Variants in GNB5 observed in about 807,000 individuals in gnomAD.
The protein encoded by GNB5 is G protein subunit beta 5, also known as guanine nucleotide-binding protein subunit beta-5.
A neutral mutation model predicts 55.3 loss-of-function variants in GNB5; 37 were observed. That is an observed-to-expected ratio of 0.67 (90% confidence interval 0.51 to 0.88). The LOEUF is 0.88. Ranked by LOEUF, GNB5 falls within the 40% of genes least tolerant of loss-of-function variation. GNB5 has a pLI of 0.00. For synonymous variants in GNB5, 219 were observed against 198.5 expected, an observed-to-expected ratio of 1.10 and a Z score of -0.87; for missense variants, 476 against 515.3, an observed-to-expected ratio of 0.92 and a Z score of 0.74.
intron 3 of GNB5, among the ~76,000 whole-genome samples, chr15:52,165,337 G>A (rs1419971990): frequency 5.3e-5 from 8 of 152,096 alleles, no homozygotes; most frequent in African/African-American, 7.2e-5. Flanking sequence ...ACAGGGCAAC[G>A]TTCAAATTCA....
rs28803283 is a variant in GNB5 at position 52,163,805 on chromosome 15, A to G, written c.239-9729T>C. Among the ~76,000 whole-genome samples, 1,149 of 152,226 alleles carry G rather than the reference A, an allele frequency of 7.5e-3. 13 individuals are homozygous for G. The highest frequency in any genetic ancestry group is 0.027 in the African/African-American group (1,119 of 41,560). On this transcript the variant is annotated intron_variant, in intron 3 of 12. Coordinates refer to ENST00000261837, the MANE Select transcript of GNB5 (RefSeq NM_016194.4). Reference sequence around the variant, plus strand: ...GAGACCTCCCAACAGGGGTCTACAAATGCCTCCTCCAGGAGCGTTCCAGCT... The same window carrying G: ...GAGACCTCCCAACAGGGGTCTACAAGTGCCTCCTCCAGGAGCGTTCCAGCT...
chr15:52,151,290 G>A (rs532991729), intron 4 of GNB5, among the ~76,000 whole-genome samples: 1 of 152,252 alleles, frequency 6.6e-6, no homozygotes, highest in East Asian at 1.9e-4. Flanking sequence ...CCACATCAGC[G>A]ACCACGTTAG....
At chr15:52,137,307 G>T in intron 7 of GNB5, 1 of 1,106,242 alleles carries the variant, frequency 9.0e-7, no homozygotes, top group Non-Finnish European at 1.1e-6. Flanking sequence ...TGTGCACACA[G>T]GAGGGTCCCA....
chr15:52,179,435 C>T (rs1042031942), intron 3 of GNB5, among the ~76,000 whole-genome samples: 1 of 152,158 alleles, frequency 6.6e-6, no homozygotes, highest in Non-Finnish European at 1.5e-5. Context: ...CACCCCACCC[C>T]CTGCCCTCCG....
At chr15:52,179,960 C>T (rs1006542608) in intron 2 of GNB5, 81 bp from the exon 3 acceptor site, 4 of 1,399,604 alleles carry the variant, frequency 2.9e-6, no homozygotes, top group Non-Finnish European at 3.7e-6. Flanking sequence ...CAGCAGCCGT[C>T]CCCGGCCCCG....
In GNB5 at chr15:52,126,153, A is replaced by T. The variant is rs999870277; in HGVS notation, c.913-109T>A. The T allele has an allele frequency of 4.8e-6, 3 of 619,920 alleles. No individual in the cohort carries two copies. In the African/African-American group the frequency reaches 5.6e-5, roughly 11 times the overall value. The allele number at this position is 619,920 out of a possible 1,614,324, so 38.4% of individuals were successfully genotyped here. ...GTGACTTGCGTAGTTTAAAAGATGA[A>T]GGAAAAACTTCTTAGTTTTCCCTAC... is the stretch of plus-strand genomic sequence containing the variant. On this transcript the variant is annotated intron_variant, in intron 10 of 12. Coordinates refer to ENST00000261837, the MANE Select transcript of GNB5 (RefSeq NM_016194.4).
At chr15:52,137,046 TA>T in intron 7 of GNB5, 1 of 457,244 alleles carries the variant, frequency 2.2e-6, no homozygotes, top group Non-Finnish European at 4.3e-6. Context: ...AATCCAAAGC[TA>T]AAACGGCCTT....
intron 9 of GNB5, among the ~76,000 whole-genome samples, chr15:52,132,636 ATT>A (rs1216272462): frequency 7.4e-5 from 10 of 134,750 alleles, no homozygotes; most frequent in Non-Finnish European, 1.1e-4. Flanking sequence ...TGCCCTGCTA[ATT>A]TTTTTTTTTT....
intron 6 of GNB5, among the ~76,000 whole-genome samples, chr15:52,144,699 G>A (rs1049484675): frequency 1.3e-5 from 2 of 152,146 alleles, no homozygotes; most frequent in African/African-American, 4.8e-5. Flanking sequence ...GTATCTGCCC[G>A]AACTTCTAGA....
chr15:52,160,475 G>C (rs1227952839), intron 3 of GNB5, among the ~76,000 whole-genome samples: 2 of 152,202 alleles, frequency 1.3e-5, no homozygotes, highest in African/African-American at 4.8e-5. Flanking sequence ...TTTTGAAATG[G>C]AGGAGCCATG....
intron 1 of GNB5, among the ~76,000 whole-genome samples, chr15:52,185,619 A>C (rs1168560986): frequency 1.3e-5 from 2 of 152,148 alleles, no homozygotes; most frequent in Non-Finnish European, 2.9e-5. Flanking sequence ...GACGCGAGGA[A>C]GTCATGGACT....
intron 4 of GNB5, among the ~76,000 whole-genome samples, chr15:52,153,229 T>C (rs923145360): frequency 2.0e-5 from 3 of 152,178 alleles, no homozygotes; most frequent in Non-Finnish European, 4.4e-5. Context: ...CCAGCTACCA[T>C]GTTGTGAGCA....
chr15:52,136,363 G>A (rs1165644271), intron 7 of GNB5, among the ~76,000 whole-genome samples: 3 of 152,140 alleles, frequency 2.0e-5, no homozygotes, highest in Non-Finnish European at 2.9e-5. Flanking sequence ...GAAGTGTTCC[G>A]TGAGTCTCTA....
intron 12 of GNB5, 72 bp from the exon 13 acceptor site, chr15:52,122,840 T>C (rs967383086): frequency 3.3e-5 from 38 of 1,148,774 alleles, no homozygotes; most frequent in Middle Eastern, 1.9e-4. Context: ...CTTAAAGAGA[T>C]AAAATTAGTC....
chr15:52,122,903 C>A, intron 12 of GNB5, 135 bp from the exon 13 acceptor site: 1 of 698,384 alleles, frequency 1.4e-6, no homozygotes, highest in Non-Finnish European at 2.6e-6. Flanking sequence ...CACACACACA[C>A]ACAAACATAC....
intron 1 of GNB5, among the ~76,000 whole-genome samples, chr15:52,191,035 AACTG>A (rs904751002): frequency 4.6e-5 from 7 of 152,306 alleles, no homozygotes; most frequent in South Asian, 2.1e-4. Flanking sequence ...CAAATTTTAA[AACTG>A]ACTTAGTGAT....
chr15:52,115,699 TTTA>T lies in GNB5; in HGVS notation c.*7055_*7057del, dbSNP rs1330444643. 6.6e-6 allele frequency: 1 copy of T among 152,226 alleles called. No homozygotes were observed. The highest frequency in any genetic ancestry group is 1.5e-5 in the Non-Finnish European group (1 of 68,032). 9.4% of individuals were successfully genotyped at this position (152,226 alleles called of 1,614,324 possible). ...TTTTTTCCACGTTTTAAGTAACAGC[TTTA>T]TTGAGATGTAATTCATATACCAAAA... On this transcript the variant is annotated 3_prime_UTR_variant, in exon 13 of 13. Coordinates refer to ENST00000261837, the MANE Select transcript of GNB5 (RefSeq NM_016194.4).
chr15:52,172,002 G>A (rs1347691130), intron 3 of GNB5, among the ~76,000 whole-genome samples: 3 of 152,242 alleles, frequency 2.0e-5, no homozygotes, highest in Non-Finnish European at 4.4e-5. Flanking sequence ...CCAGGAGGCT[G>A]CTGTGCCTGT....
intron 3 of GNB5, among the ~76,000 whole-genome samples, chr15:52,158,114 G>A (rs1400784990): frequency 1.3e-5 from 2 of 152,014 alleles, no homozygotes; most frequent in Admixed American, 6.6e-5. Context: ...CTAGCTCTAG[G>A]AAGACAGGAG....
Sources: gnomAD v4.1 joint callset for allele counts (sites outside exome capture counted in the v4.1 genomes callset) on GRCh38, gnomAD v4.1.1 for gene constraint, MANE v1.5 for transcripts, NCBI Gene and HGNC (gene_info 2026-07-23, HGNC 2026-07-21) for gene names.